Variants in USP34 observed in about 807,000 individuals in gnomAD.
USP34 encodes the protein ubiquitin specific peptidase 34.
A neutral mutation model predicts 460.3 loss-of-function variants in USP34; 70 were observed. The observed-to-expected ratio is 0.15, with a 90% CI of 0.13 to 0.19. USP34 has a LOEUF of 0.19. Among genes scored for constraint, USP34 ranks in the 10% least tolerant of loss-of-function variants. The pLI is 1.00. For missense variants in USP34, 3,985 were observed against 4,236.2 expected, an observed-to-expected ratio of 0.94 and a Z score of 1.65; for synonymous variants, 1,647 against 1,405.3, an observed-to-expected ratio of 1.17 and a Z score of -3.85.
At chr2:61,213,676 A>G (rs1687328918) in intron 68 of USP34, among the ~76,000 whole-genome samples, 1 of 152,212 alleles carries the variant, frequency 6.6e-6, no homozygotes, top group African/African-American at 2.4e-5. Context: ...TGTCTAGCTC[A>G]CAGTTTACCA....
intron 65 of USP34, among the ~76,000 whole-genome samples, chr2:61,222,415 T>C (rs1687614014): frequency 6.6e-6 from 1 of 152,216 alleles, no homozygotes; most frequent in Admixed American, 6.5e-5. Context: ...TCTATACACA[T>C]ATTTACATTT....
intron 27 of USP34, among the ~76,000 whole-genome samples, chr2:61,309,545 A>T (rs1690522435): frequency 6.6e-6 from 1 of 152,178 alleles, no homozygotes; most frequent in Admixed American, 6.5e-5. Context: ...TCTATGTTAC[A>T]AAAGAATGGA....
intron 27 of USP34, among the ~76,000 whole-genome samples, chr2:61,303,185 G>A (rs569838759): frequency 7.2e-5 from 11 of 152,048 alleles, no homozygotes; most frequent in Non-Finnish European, 1.0e-4. Context: ...TCCAGTCTCG[G>A]CCTCCTGAAT....
chr2:61,195,171 G>C (rs1022837277), intron 75 of USP34, among the ~76,000 whole-genome samples: 1 of 152,028 alleles, frequency 6.6e-6, no homozygotes, highest in Non-Finnish European at 1.5e-5. Context: ...AGTAAGCCAA[G>C]ATTATGCAAC....
chr2:61,326,064 T>A (rs563300929), intron 20 of USP34, among the ~76,000 whole-genome samples: 1 of 152,116 alleles, frequency 6.6e-6, no homozygotes, highest in Admixed American at 6.5e-5. Context: ...TCTGAATAGA[T>A]CAACAAGAGA....
Position 61,348,147 on chromosome 2 carries a change from C to T in USP34, c.2008G>A (p.Gly670Arg), listed in dbSNP as rs1282702595. 2.4e-5 allele frequency: 38 copies of T among 1,614,064 alleles called. No individual in the cohort carries two copies. Among genetic ancestry groups the T allele is most frequent in the East Asian group, 8.9e-5 (4 of 44,892 alleles). ...GMSERNGTSSGTGKDLVFNTE... is the reference protein window; with the variant it reads ...GMSERNGTSSRTGKDLVFNTE... ...TTAAAAACCAGGTCCTTTCCTGTTCCGCTGCTTGTCCCATTTCTTTCTGAC... is the reference window on the plus strand; with the variant it reads ...TTAAAAACCAGGTCCTTTCCTGTTCTGCTGCTTGTCCCATTTCTTTCTGAC... Residue 670 changes from glycine to arginine, a missense_variant, in exon 15 of 80, where the codon GGA (glycine) becomes AGA (arginine). Coordinates refer to ENST00000398571, the MANE Select transcript of USP34 (RefSeq NM_014709.4).
At chr2:61,254,542 C>T (rs940458977) in intron 48 of USP34, among the ~76,000 whole-genome samples, 2 of 152,218 alleles carry the variant, frequency 1.3e-5, no homozygotes, top group Admixed American at 1.3e-4. Flanking sequence ...TCTCTGCATT[C>T]GTTCTTAGTA....
chr2:61,428,275 A>C (rs547015273), intron 1 of USP34, among the ~76,000 whole-genome samples: 25 of 152,028 alleles, frequency 1.6e-4, no homozygotes, highest in Non-Finnish European at 3.4e-4. Context: ...CACCTTTGCA[A>C]ATGTTAAATC....
At position 61,210,435 on chromosome 2, in the gene USP34, G is replaced by C. The variant is rs544135884; in HGVS notation, c.8840+1337C>G. The stretch of plus-strand genomic sequence containing the variant: ...TATACAGATTTAGAGCCTAGGAACA[G>C]TTGGCTATACCATATATCCTAGGGG... On this transcript the variant is annotated intron_variant, in intron 69 of 79. Coordinates refer to ENST00000398571, the MANE Select transcript of USP34 (RefSeq NM_014709.4). Among the ~76,000 whole-genome samples, 5 of 152,318 alleles carry C rather than the reference G, an allele frequency of 3.3e-5. No homozygotes were observed. The South Asian group carries it at 1.0e-3, about 32-fold the overall frequency.
At chr2:61,273,558 A>C (rs987242176) in intron 41 of USP34, among the ~76,000 whole-genome samples, 4 of 152,166 alleles carry the variant, frequency 2.6e-5, no homozygotes, top group African/African-American at 7.2e-5. Context: ...TCTCTATCAA[A>C]GATACTAAAA....
intron 41 of USP34, among the ~76,000 whole-genome samples, chr2:61,271,212 G>T (rs979017225): frequency 3.3e-5 from 5 of 152,148 alleles, no homozygotes; most frequent in Non-Finnish European, 7.3e-5. Context: ...GCTGAGGCAG[G>T]GGAATCGCTG....
chr2:61,464,963 C>G (rs920292884), intron 1 of USP34, among the ~76,000 whole-genome samples: 1 of 151,932 alleles, frequency 6.6e-6, no homozygotes, highest in Non-Finnish European at 1.5e-5. Context: ...AGCAGAGGAA[C>G]AGAAATTTAA....
chr2:61,223,450 G>A (rs955272576), intron 62 of USP34, 154 bp from the exon 63 acceptor site: 1 of 738,182 alleles, frequency 1.4e-6, no homozygotes, highest in Non-Finnish European at 2.1e-6. Context: ...CTTGCTAAAT[G>A]TCTTTTGGGC....
At chr2:61,291,959 G>A (rs7561672) in intron 33 of USP34, among the ~76,000 whole-genome samples, 50,894 of 151,980 alleles carry the variant, frequency 0.33, 8,608 homozygotes, top group Non-Finnish European at 0.37. Flanking sequence ...AACCAGTCAC[G>A]ATGGACCATA....
In USP34 at chr2:61,206,856, C is replaced by T. The variant is rs1687133837; in HGVS notation, c.8950G>A (p.Glu2984Lys). 6.2e-7 allele frequency: 1 copy of T among 1,613,432 alleles called. No homozygotes were observed. The highest frequency in any genetic ancestry group is 8.5e-7 in the Non-Finnish European group (1 of 1,179,678). The change falls in exon 71 of 80, where the codon GAA becomes AAA. Residue 2984 changes from glutamate to lysine, a missense_variant. Around this residue, in one of 14 missense-constraint regions of USP34, gnomAD observed 275 missense variants for 292.7 expected, o/e 0.94. Coordinates refer to ENST00000398571, the MANE Select transcript of USP34 (RefSeq NM_014709.4). Reference protein sequence around the residue: ...SFNTLHMMYHEATACHVTGDL... With the variant: ...SFNTLHMMYHKATACHVTGDL... ...CCAGTCACATGGCAAGCTGTAGCTT[C>T]GTGATACATCATGTGCAAAGTGTTG...
chr2:61,320,146 T>A (rs1053933838), intron 21 of USP34, among the ~76,000 whole-genome samples: 20 of 152,232 alleles, frequency 1.3e-4, no homozygotes, highest in African/African-American at 4.8e-4. Context: ...TCTACGAATA[T>A]GATAGAGCTT....
At chr2:61,403,061 A>G (rs77592246) in intron 3 of USP34, among the ~76,000 whole-genome samples, 1,821 of 152,230 alleles carry the variant, frequency 0.012, 34 homozygotes, top group African/African-American at 0.042. Context: ...AAAGAGGCAC[A>G]TATCTAATAT....
intron 1 of USP34, among the ~76,000 whole-genome samples, chr2:61,457,599 A>G (rs1459168053): frequency 1.3e-5 from 2 of 152,174 alleles, no homozygotes; most frequent in African/African-American, 4.8e-5. Context: ...GTGGTGCCTC[A>G]CGCCTGTAAT....
chr2:61,470,755 GGGGGA>G lies in USP34; in HGVS notation c.-68_-64del. On this transcript the variant is annotated 5_prime_UTR_variant, in exon 1 of 80. Transcript: ENST00000398571. The stretch of plus-strand genomic sequence containing the variant: ...CACACTGACTGATCCCGACCGGCGG[GGGGGA>G]GGGGAGAGAGGCGGAGGAGGGGGCC... 1 of 1,463,510 alleles carries G rather than the reference GGGGGA, an allele frequency of 6.8e-7. No homozygotes were observed. The highest frequency in any genetic ancestry group is 9.4e-7 in the Non-Finnish European group (1 of 1,068,374). 90.7% of individuals were successfully genotyped at this position (1,463,510 alleles called of 1,614,324 possible).
Sources: gnomAD v4.1 joint callset for allele counts (sites outside exome capture counted in the v4.1 genomes callset) on GRCh38, gnomAD v4.1.1 for gene constraint, gnomAD v4.1.1 regional missense constraint, MANE v1.5 for transcripts, NCBI Gene and HGNC (gene_info 2026-07-23, HGNC 2026-07-21) for gene names.